CADM3: variants seen among roughly 807,000 people sequenced by gnomAD.
CADM3 encodes TSLC1-like 1.
In CADM3, 11 loss-of-function variants were observed where a neutral mutation model predicts 44.9. The observed-to-expected ratio is 0.25, with a 90% CI of 0.15 to 0.41. The LOEUF is 0.41. Ranked by LOEUF, CADM3 falls within the 10% of genes least tolerant of loss-of-function variation. The pLI, the probability that CADM3 is intolerant of heterozygous loss-of-function variation, is 1.00. For missense variants in CADM3, 426 were observed against 512.0 expected (o/e 0.83, Z 1.62); for synonymous variants, 207 against 205.2 (o/e 1.01, Z -0.08).
intron 3 of CADM3, 27 bp from the exon 4 acceptor site, chr1:159,193,396 A>G (rs1649749626): frequency 6.4e-7 from 1 of 1,570,488 alleles, no homozygotes. Flanking sequence ...TCTCCTTCCT[A>G]TCCTGGCCAT....
At chr1:159,193,626 T>G in intron 4 of CADM3, 66 bp downstream of exon 4, 1 of 1,600,070 alleles carries the variant, frequency 6.2e-7, no homozygotes, top group Non-Finnish European at 8.6e-7. Flanking sequence ...AGTGCCTGTC[T>G]GTGAACGTAC....
chr1:159,186,072 G>C (rs1649406747), intron 1 of CADM3, among the ~76,000 whole-genome samples: 1 of 152,232 alleles, frequency 6.6e-6, no homozygotes, highest in Non-Finnish European at 1.5e-5. Context: ...TTTATTCATA[G>C]ATAAAGTTTA....
At position 159,192,052 on chromosome 1, in the gene CADM3, A is replaced by G; in HGVS notation, c.205A>G (p.Thr69Ala). Residue 69 changes from threonine to alanine, a missense_variant, in exon 2 of 9, where the codon ACT becomes GCT. Physicochemically the swap from Thr to Ala is moderately conservative, Grantham distance 58. Coordinates refer to ENST00000368125, the MANE Select transcript of CADM3 (RefSeq NM_001127173.3). ...SLQWSNPAQQ[T>A]LYFGEKRALR... The stretch of plus-strand genomic sequence containing the variant: ...GCAATGGTCTAACCCTGCTCAGCAG[A>G]CTCTCTACTTTGGGGAGAAGAGAGG... 1 of 1,614,000 alleles carries G rather than the reference A, an allele frequency of 6.2e-7. No individual in the cohort carries two copies. Among genetic ancestry groups the G allele is most frequent in the Non-Finnish European group, 8.5e-7 (1 of 1,180,012 alleles).
chr1:159,191,166 T>A (rs1161324516), intron 1 of CADM3, among the ~76,000 whole-genome samples: 3 of 152,224 alleles, frequency 2.0e-5, no homozygotes, highest in Non-Finnish European at 4.4e-5. Flanking sequence ...TTGTTTTGTT[T>A]AACTTGACTA....
At chr1:159,197,607 C>T (rs1483561769) in intron 7 of CADM3, 1 of 152,232 alleles carries the variant, frequency 6.6e-6, no homozygotes, top group Non-Finnish European at 1.5e-5. Context: ...AGGTGATGCT[C>T]CTTCTCTGAA....
chr1:159,171,941 T>C, intron 1 of CADM3, 88 bp downstream of exon 1: 1 of 858,696 alleles, frequency 1.2e-6, no homozygotes, highest in Admixed American at 4.3e-5. Flanking sequence ...AGGAGCCTGT[T>C]GGCTTTGTTT....
At chr1:159,187,560 T>C (rs1037030291) in intron 1 of CADM3, among the ~76,000 whole-genome samples, 3 of 152,236 alleles carry the variant, frequency 2.0e-5, no homozygotes, top group Non-Finnish European at 4.4e-5. Flanking sequence ...GAAAATCCAC[T>C]CTGCAAACTG....
intron 5 of CADM3, chr1:159,196,045 T>G: frequency 4.0e-6 from 1 of 247,422 alleles, no homozygotes; most frequent in Non-Finnish European, 7.8e-6. Flanking sequence ...ATGTATTAGG[T>G]CTTTCCTATG....
At position 159,201,050 on chromosome 1, in the gene CADM3, C is replaced by T. The variant is rs998369115; in HGVS notation, c.*128C>T. On this transcript the variant is annotated 3_prime_UTR_variant, in exon 9 of 9. Transcript: ENST00000368125. The stretch of plus-strand genomic sequence containing the variant: ...GCTTGCTCCCCAGCCCACCCACCCC[C>T]CTGTACAGAATGTCTGCTTTGGGTG... The T allele has an allele frequency of 2.0e-6, 1 of 498,228 alleles. No homozygotes were observed. The highest frequency in any genetic ancestry group is 3.5e-6 in the Non-Finnish European group (1 of 287,298). The allele number at this position is 498,228 out of a possible 1,614,324, so 30.9% of individuals were successfully genotyped here.
At chr1:159,187,339 C>A (rs1571014201) in intron 1 of CADM3, among the ~76,000 whole-genome samples, 2 of 152,140 alleles carry the variant, frequency 1.3e-5, no homozygotes, top group Non-Finnish European at 2.9e-5. Flanking sequence ...GATGAGGAGA[C>A]TGATAACTAA....
chr1:159,192,473 C>T, intron 2 of CADM3, 105 bp from the exon 3 acceptor site: 2 of 1,330,296 alleles, frequency 1.5e-6, no homozygotes, highest in South Asian at 1.2e-5. Context: ...TTTTCCCCAC[C>T]CACCATACTA....
chr1:159,178,630 T>G (rs1331457453), intron 1 of CADM3: 2 of 152,216 alleles, frequency 1.3e-5, no homozygotes, highest in Non-Finnish European at 2.9e-5. Context: ...ACTAAATGGC[T>G]TTAAATATAA....
intron 1 of CADM3, among the ~76,000 whole-genome samples, chr1:159,174,441 C>T (rs1648943860): frequency 1.3e-5 from 2 of 152,060 alleles, no homozygotes; most frequent in Admixed American, 1.3e-4. Flanking sequence ...AATGTTTGAC[C>T]AAAACTATGA....
intron 1 of CADM3, among the ~76,000 whole-genome samples, chr1:159,174,303 T>G (rs1648936338): frequency 6.6e-6 from 1 of 152,232 alleles, no homozygotes; most frequent in South Asian, 2.1e-4. Context: ...TGCATAGATT[T>G]AATGCTCACG....
intron 1 of CADM3, among the ~76,000 whole-genome samples, chr1:159,187,660 A>G (rs1649470216): frequency 6.6e-6 from 1 of 152,170 alleles, no homozygotes; most frequent in South Asian, 2.1e-4. Context: ...GGATACCAAT[A>G]CCGAGGGACT....
chr1:159,192,762 C>T (rs748702027), intron 3 of CADM3, 32 bp downstream of exon 3: 3 of 1,593,058 alleles, frequency 1.9e-6, no homozygotes, highest in Non-Finnish European at 2.6e-6. Flanking sequence ...GTCTCTACAG[C>T]ATGCTTCCTT....
intron 7 of CADM3, 43 bp downstream of exon 7, chr1:159,197,103 T>C (rs1204980756): frequency 6.3e-7 from 1 of 1,586,922 alleles, no homozygotes; most frequent in African/African-American, 1.3e-5. Context: ...CTCCTTTCTC[T>C]GTCCATCTTA....
Position 159,171,779 on chromosome 1 carries a change from C to A in CADM3, c.14C>A (p.Ala5Asp). ...CCGGGAAGCGCGATGGGGGCCCCAG[C>A]CGCCTCGCTCCTGCTCCTGCTCCTG... Reference protein sequence around the residue: MGAPAASLLLLLLLF... With the variant: MGAPDASLLLLLLLF... Residue 5 changes from alanine (A) to aspartate (D), a missense_variant, in exon 1 of 9, where the codon GCC becomes GAC. By Grantham distance (126) the Ala-to-Asp change is moderately radical (BLOSUM62 -2). This residue lies in a region of CADM3 where 64 missense variants were observed against 37.4 expected (regional missense o/e 1.71). Transcript: ENST00000368125. 2.4e-6 allele frequency: 3 copies of A among 1,239,638 alleles called. No individual in the cohort carries two copies. The highest frequency in any genetic ancestry group is 2.0e-6 in the Non-Finnish European group (2 of 991,224). The allele number at this position is 1,239,638 out of a possible 1,614,324, so 76.8% of individuals were successfully genotyped here.
intron 1 of CADM3, among the ~76,000 whole-genome samples, chr1:159,183,551 T>C (rs1174579313): frequency 6.6e-6 from 1 of 152,164 alleles, no homozygotes; most frequent in Non-Finnish European, 1.5e-5. Flanking sequence ...GAAGCGTGAC[T>C]GAGCTCTGAA....
Sources: gnomAD v4.1 joint callset for allele counts (sites outside exome capture counted in the v4.1 genomes callset) on GRCh38, gnomAD v4.1.1 for gene constraint, gnomAD v4.1.1 regional missense constraint, MANE v1.5 for transcripts, NCBI Gene and HGNC (gene_info 2026-07-23, HGNC 2026-07-21) for gene names.